Variants in UGT1A6 observed in about 807,000 individuals in gnomAD.
UGT1A6 encodes the protein UDP glucuronosyltransferase family 1 member A6, also known as UDP-glucuronosyltransferase 1A6.
UGT1A6 carries 32 observed loss-of-function variants against 44.4 expected under a neutral mutation model. That is an observed-to-expected ratio of 0.72 (90% CI 0.54 to 0.97). The LOEUF is 0.97. Among genes scored for constraint, UGT1A6 ranks in the 50% least tolerant of loss-of-function variants. UGT1A6 has a pLI of 0.00. For missense variants in UGT1A6, 685 were observed against 661.9 expected (o/e 1.03, Z -0.38); for synonymous variants, 238 against 248.5 (o/e 0.96, Z 0.40).
At chr2:233,699,547 G>A (rs2075511993) in intron 1 of UGT1A6, among the ~76,000 whole-genome samples, 1 of 152,188 alleles carries the variant, frequency 6.6e-6, no homozygotes, top group African/African-American at 2.4e-5. Context: ...ACATCATAGA[G>A]CCAGGTCATG....
intron 1 of UGT1A6, among the ~76,000 whole-genome samples, chr2:233,724,194 C>T (rs1375067088): frequency 3.2e-5 from 4 of 125,876 alleles, no homozygotes; most frequent in Non-Finnish European, 4.9e-5. Context: ...GACGGGGTGG[C>T]TGGCCGGGCT....
intron 1 of UGT1A6, among the ~76,000 whole-genome samples, chr2:233,715,064 T>A (rs957202812): frequency 6.6e-6 from 1 of 152,062 alleles, no homozygotes; most frequent in African/African-American, 2.4e-5. Flanking sequence ...TTTTGTATTT[T>A]TTATGGAGAT....
intron 1 of UGT1A6, among the ~76,000 whole-genome samples, chr2:233,732,478 A>G (rs60103279): frequency 0.034 from 5,126 of 152,332 alleles, 101 homozygotes; most frequent in African/African-American, 0.051. Flanking sequence ...TCTGGAATTA[A>G]TTTTTGTATA....
chr2:233,702,615 A>T (rs1053015833), intron 1 of UGT1A6, among the ~76,000 whole-genome samples: 1 of 152,126 alleles, frequency 6.6e-6, no homozygotes, highest in Admixed American at 6.6e-5. Flanking sequence ...TGCCCCCCAC[A>T]TTATGAGATT....
At position 233,693,022 on chromosome 2, in the gene UGT1A6, C is replaced by T. The variant is rs773410698; in HGVS notation, c.18C>T (p.Arg6=). 2.5e-5 allele frequency: 41 copies of T among 1,614,028 alleles called. No individual in the cohort carries two copies. In the Admixed American group the frequency reaches 3.8e-4, roughly 15 times the overall value. Residue 6 remains arginine (R), a synonymous_variant, in exon 1 of 5, where the codon CGC becomes CGT. Transcript: ENST00000305139. MACLL[R]SFQRISAGVF... is the part of the protein sequence containing the mutation. ...TTTCCAGGATGGCCTGCCTCCTTCG[C>T]TCATTTCAGAGAATTTCTGCAGGGG... is the stretch of plus-strand genomic sequence containing the variant.
chr2:233,695,021 G>T (rs1263498020), intron 1 of UGT1A6, among the ~76,000 whole-genome samples: 2 of 152,084 alleles, frequency 1.3e-5, no homozygotes, highest in South Asian at 2.1e-4. Flanking sequence ...ATTTTGAACT[G>T]CAGTATACAT....
At chr2:233,724,307 C>T (rs2077214825) in intron 1 of UGT1A6, among the ~76,000 whole-genome samples, 2 of 146,966 alleles carry the variant, frequency 1.4e-5, no homozygotes, top group African/African-American at 2.5e-5. Flanking sequence ...CCACCTCCCT[C>T]CCGGACGGGG....
At chr2:233,738,051 A>T (rs1690672255) in intron 1 of UGT1A6, among the ~76,000 whole-genome samples, 1 of 152,154 alleles carries the variant, frequency 6.6e-6, no homozygotes, top group Admixed American at 6.5e-5. Context: ...TGAGGACAGG[A>T]CATGGTGGGA....
At chr2:233,756,081 A>G (rs1239425363) in intron 1 of UGT1A6, 2 of 152,230 alleles carry the variant, frequency 1.3e-5, no homozygotes, top group South Asian at 2.1e-4. Context: ...ACAATGAGAA[A>G]ATCAAGTAAC....
chr2:233,753,031 A>G (rs1329655669), intron 1 of UGT1A6, among the ~76,000 whole-genome samples: 1 of 152,134 alleles, frequency 6.6e-6, no homozygotes, highest in African/African-American at 2.4e-5. Context: ...AACACAAAAA[A>G]CTACCATGAA....
intron 1 of UGT1A6, among the ~76,000 whole-genome samples, chr2:233,751,432 G>T (rs1313513130): frequency 6.6e-6 from 1 of 152,164 alleles, no homozygotes; most frequent in Non-Finnish European, 1.5e-5. Flanking sequence ...GCTGAAATGA[G>T]TTAAGACTTT....
At chr2:233,699,179 ACTT>A (rs765566665) in intron 1 of UGT1A6, among the ~76,000 whole-genome samples, 72 of 151,786 alleles carry the variant, frequency 4.7e-4, no homozygotes, top group African/African-American at 1.1e-3. Flanking sequence ...TCTGATCCTC[ACTT>A]CTTCTTCAGA....
At chr2:233,746,289 G>C (rs1163006960) in intron 1 of UGT1A6, among the ~76,000 whole-genome samples, 3 of 151,692 alleles carry the variant, frequency 2.0e-5, no homozygotes, top group Admixed American at 2.0e-4. Context: ...AAGGAAGGTG[G>C]CTTTGTTTCC....
chr2:233,719,044 T>C (rs2076716677), intron 1 of UGT1A6: 2 of 1,614,154 alleles, frequency 1.2e-6, no homozygotes, highest in African/African-American at 1.3e-5. Flanking sequence ...GAGAAATTTT[T>C]CACCCTGACA....
intron 1 of UGT1A6, among the ~76,000 whole-genome samples, chr2:233,727,388 C>T (rs1479838653): frequency 6.6e-6 from 1 of 152,174 alleles, no homozygotes; most frequent in Admixed American, 6.5e-5. Flanking sequence ...GTACCACCGT[C>T]TTCCAAGATA....
At chr2:233,747,182 T>C (rs1414882979) in intron 1 of UGT1A6, 87 of 1,602,200 alleles carry the variant, frequency 5.4e-5, no homozygotes, top group South Asian at 4.3e-4. Flanking sequence ...CAGCGTGGGG[T>C]GGACAGTCAG....
At position 233,768,210 on chromosome 2, in the gene UGT1A6, T is replaced by G; in HGVS notation, c.1082-10T>G. 1 of 1,614,186 alleles carries G rather than the reference T, an allele frequency of 6.2e-7. No individual in the cohort carries two copies. The highest frequency in any genetic ancestry group is 1.1e-5 in the South Asian group (1 of 91,084). On this transcript the variant is annotated splice_polypyrimidine_tract_variant and intron_variant, in intron 3 of 4. Transcript: ENST00000305139. Reference sequence around the variant, plus strand: ...GTAACTGCTGACATCCTCCCTATTTTGCATCTCAGGTCACCCGATGACCCG... The same window carrying G: ...GTAACTGCTGACATCCTCCCTATTTGGCATCTCAGGTCACCCGATGACCCG...
intron 1 of UGT1A6, chr2:233,729,169 G>A: frequency 1.2e-6 from 2 of 1,613,744 alleles, no homozygotes; most frequent in Non-Finnish European, 1.7e-6. Flanking sequence ...GCTGGCCACA[G>A]GACTGCTGCT....
chr2:233,768,048 T>A, intron 3 of UGT1A6, 112 bp downstream of exon 3: 1 of 1,607,556 alleles, frequency 6.2e-7, no homozygotes, highest in Non-Finnish European at 8.5e-7. Flanking sequence ...GGCCAACATA[T>A]CCTACATTGC....
Sources: gnomAD v4.1 joint callset for allele counts (sites outside exome capture counted in the v4.1 genomes callset) on GRCh38, gnomAD v4.1.1 for gene constraint, MANE v1.5 for transcripts, NCBI Gene and HGNC (gene_info 2026-07-23, HGNC 2026-07-21) for gene names.